The following TRIM5 variants were observed in gnomAD, a reference collection of about 807,000 sequenced individuals.
TRIM5 encodes tripartite motif-containing protein 5.
In TRIM5, 31 loss-of-function variants were observed where a neutral mutation model predicts 35.6. The observed-to-expected ratio is 0.87, with a 90% confidence interval of 0.65 to 1.18. TRIM5 has a LOEUF of 1.18. TRIM5 is among the 50% of genes most tolerant of loss of function. TRIM5 has a pLI of 0.00. For synonymous variants in TRIM5, 243 were observed against 215.6 expected, an observed-to-expected ratio of 1.13 and a Z score of -1.11; for missense variants, 609 against 591.6, an observed-to-expected ratio of 1.03 and a Z score of -0.31.
the TRIM5 span, among the ~76,000 whole-genome samples, chr11:5,621,627 T>C: frequency 2.6e-5 from 4 of 152,136 alleles, no homozygotes; most frequent in Non-Finnish European, 5.9e-5. Context: ...GAAAGGAAAA[T>C]AAATCTTGGA....
the TRIM5 span, among the ~76,000 whole-genome samples, chr11:5,627,352 C>T: frequency 1.3e-5 from 2 of 151,990 alleles, no homozygotes; most frequent in Non-Finnish European, 1.5e-5. Flanking sequence ...CACACTCCAA[C>T]CTGGGTAACA....
chr11:5,615,012 C>T, the TRIM5 span, among the ~76,000 whole-genome samples: 1 of 151,996 alleles, frequency 6.6e-6, no homozygotes, highest in African/African-American at 2.4e-5. Flanking sequence ...TTCTATTTTC[C>T]CTTTTGATTT....
chr11:5,591,709 G>A, the TRIM5 span, among the ~76,000 whole-genome samples: 1 of 152,128 alleles, frequency 6.6e-6, no homozygotes, highest in African/African-American at 2.4e-5. Context: ...GGTGATGCTG[G>A]GAGACATGAT....
At chr11:5,636,556 G>A in the TRIM5 span, among the ~76,000 whole-genome samples, 4 of 152,126 alleles carry the variant, frequency 2.6e-5, no homozygotes, top group East Asian at 1.9e-4. Context: ...AAAAGGTTCC[G>A]TAGGCCCTTT....
In TRIM5 at chr11:5,679,100, T is replaced by C. The variant is rs1852220227; in HGVS notation, c.487A>G (p.Ile163Val). Residue 163 changes from isoleucine (I) to valine (V), a missense_variant, in exon 3 of 8, where the codon ATC becomes GTC. Ile to Val is a conservative substitution (Grantham distance 29). Transcript: ENST00000380034. ...TTCCAGGAAGCTTTCTCTTCTCTGA[T>C]GTCAGCTTCTAACTCTTCAGCTTCC... Reference protein sequence around the residue: ...QQEAEELEADIREEKASWKTQ... With the variant: ...QQEAEELEADVREEKASWKTQ... 1 of 1,614,080 alleles carries C rather than the reference T, an allele frequency of 6.2e-7. No individual in the cohort carries two copies. The highest frequency in any genetic ancestry group is 8.5e-7 in the Non-Finnish European group (1 of 1,179,974).
the TRIM5 span, chr11:5,643,137 C>G: frequency 2.5e-6 from 3 of 1,180,834 alleles, no homozygotes; most frequent in Non-Finnish European, 3.3e-6. Context: ...TTTTTTTTTT[C>G]TTGCAGTGGA....
chr11:5,657,414 C>A, the TRIM5 span, among the ~76,000 whole-genome samples: 1 of 148,894 alleles, frequency 6.7e-6, no homozygotes, highest in East Asian at 1.9e-4. Flanking sequence ...ACCTGTGTAA[C>A]AAACCTGCAC....
At chr11:5,596,825 T>C in the TRIM5 span, 1 of 1,612,450 alleles carries the variant, frequency 6.2e-7, no homozygotes, top group Admixed American at 1.7e-5. Flanking sequence ...TTAAGGTGCC[T>C]TGGATTGCTC....
intron 4 of TRIM5, among the ~76,000 whole-genome samples, chr11:5,677,161 C>G: frequency 6.6e-6 from 1 of 152,052 alleles, no homozygotes. Flanking sequence ...TCAAAGTGAA[C>G]AGGCAACCTA....
chr11:5,665,287 C>G lies in TRIM5; in HGVS notation c.1004G>C (p.Arg335Thr). The change falls in exon 8 of 8, where the codon AGA becomes ACA. Residue 335 changes from arginine to threonine, a missense_variant. Coordinates refer to ENST00000380034, the MANE Select transcript of TRIM5 (RefSeq NM_033034.3). Reference protein sequence around the residue: ...PQIIYGARGTRYQTFVNFNYC... With the variant: ...PQIIYGARGTTYQTFVNFNYC... Reference sequence around the variant, plus strand: ...ATTGAAATTCACAAATGTCTGGTATCTTGTCCCTCGTGCCCCATATATTAT... The same window carrying G: ...ATTGAAATTCACAAATGTCTGGTATGTTGTCCCTCGTGCCCCATATATTAT... 1.2e-6 allele frequency: 2 copies of G among 1,614,190 alleles called. No individual in the cohort carries two copies. The highest frequency in any genetic ancestry group is 1.7e-6 in the Non-Finnish European group (2 of 1,180,042).
At chr11:5,603,562 G>A in the TRIM5 span, 6 of 1,614,066 alleles carry the variant, frequency 3.7e-6, no homozygotes, top group Admixed American at 3.3e-5. Context: ...GCTCAGAGAG[G>A]TAGTGTTGGG....
chr11:5,681,910 T>C (rs1414146118), intron 1 of TRIM5, among the ~76,000 whole-genome samples: 1 of 138,866 alleles, frequency 7.2e-6, no homozygotes, highest in Non-Finnish European at 1.5e-5. Flanking sequence ...GTGACTCCTC[T>C]GCCCCAGCCT....
At chr11:5,655,835 G>A in the TRIM5 span, 2 of 289,974 alleles carry the variant, frequency 6.9e-6, no homozygotes, top group African/African-American at 2.3e-5. Context: ...ACAGAGCAGA[G>A]GCCTCAGAAA....
At position 5,665,982 on chromosome 11, in the gene TRIM5, T is replaced by C. The variant is rs1442606142; in HGVS notation, c.867A>G (p.Arg289=). The change falls in exon 6 of 8, where the codon AGA becomes AGG. Residue 289 remains arginine (R), a splice_region_variant and synonymous_variant. Transcript: ENST00000380034. ...TGTTGTTGATCTAGCTCTCCTCACC[T>C]CTAAACACTTCTAGCATTCCTTTCA... ...PDLKGMLEVF[R]ELTDVRRYWV... 6.2e-7 allele frequency: 1 copy of C among 1,608,736 alleles called. No homozygotes were observed. Among genetic ancestry groups the C allele is most frequent in the Non-Finnish European group, 8.5e-7 (1 of 1,178,464 alleles).
the TRIM5 span, among the ~76,000 whole-genome samples, chr11:5,656,838 T>C: frequency 2.0e-4 from 30 of 152,104 alleles, no homozygotes; most frequent in Non-Finnish European, 3.1e-4. Flanking sequence ...TGTGGAGAAA[T>C]AGGAACACTT....
At chr11:5,610,441 TCCTCACCATTCC>T in the TRIM5 span, 13 of 1,606,934 alleles carry the variant, frequency 8.1e-6, no homozygotes, top group Non-Finnish European at 1.1e-5. Context: ...CTCACAGGAT[TCCTCACCATTCC>T]CCTCAATGTA....
At chr11:5,604,132 C>T in the TRIM5 span, among the ~76,000 whole-genome samples, 2 of 152,034 alleles carry the variant, frequency 1.3e-5, no homozygotes, top group Non-Finnish European at 2.9e-5. Context: ...GTAGCTAGGA[C>T]TGTAGGTGTG....
rs115040739 is a variant in TRIM5, at chr11:5,677,989, C to G, written c.744+215G>C. The G allele has an allele frequency of 3.5e-3, 1,553 of 444,070 alleles. 19 individuals are homozygous for G. The highest frequency in any genetic ancestry group is 0.028 in the African/African-American group (1,415 of 50,218). The allele number at this position is 444,070 out of a possible 1,614,324, so 27.5% of individuals were successfully genotyped here. ...TAGAGCTAATTGATCATCTCCACTACGTCAAATTTTTCTACTGCTCTGGAT... is the reference window on the plus strand; with the variant it reads ...TAGAGCTAATTGATCATCTCCACTAGGTCAAATTTTTCTACTGCTCTGGAT... On this transcript the variant is annotated intron_variant, in intron 4 of 7. Coordinates refer to ENST00000380034, the MANE Select transcript of TRIM5 (RefSeq NM_033034.3).
the TRIM5 span, chr11:5,632,298 A>G: frequency 6.2e-7 from 1 of 1,613,798 alleles, no homozygotes; most frequent in Non-Finnish European, 8.5e-7. Context: ...GAGCCTCAGG[A>G]GTTAGGACCA....
Sources: gnomAD v4.1 joint callset for allele counts (sites outside exome capture counted in the v4.1 genomes callset) on GRCh38, gnomAD v4.1.1 for gene constraint, MANE v1.5 for transcripts, NCBI Gene and HGNC (gene_info 2026-07-23, HGNC 2026-07-21) for gene names.